The following NSMCE2 variants were observed in gnomAD, a reference collection of about 807,000 sequenced individuals.
NSMCE2 encodes E3 SUMO-protein ligase NSE2.
NSMCE2 carries 24 observed loss-of-function variants against 23.8 expected under a neutral mutation model. The ratio of observed to expected loss-of-function variants is 1.01; its 90% confidence interval spans 0.73 to 1.42. NSMCE2 has a LOEUF of 1.42. NSMCE2 is among the 40% of genes most tolerant of loss of function. NSMCE2 has a pLI of 0.00. For synonymous variants in NSMCE2, 92 were observed against 94.1 expected, an observed-to-expected ratio of 0.98 and a Z score of 0.13; for missense variants, 284 against 296.5, an observed-to-expected ratio of 0.96 and a Z score of 0.31.
At chr8:125,337,806 A>G (rs1249010341) in intron 5 of NSMCE2, among the ~76,000 whole-genome samples, 1 of 149,916 alleles carries the variant, frequency 6.7e-6, no homozygotes, top group African/African-American at 2.4e-5. Context: ...GAGGCAGGAG[A>G]ATTGCTTGAA....
At chr8:125,251,616 G>A (rs1348913681) in intron 5 of NSMCE2, among the ~76,000 whole-genome samples, 1 of 152,106 alleles carries the variant, frequency 6.6e-6, no homozygotes, top group Non-Finnish European at 1.5e-5. Context: ...ATATTCCTGG[G>A]CAGAAGATCT....
intron 4 of NSMCE2, among the ~76,000 whole-genome samples, chr8:125,159,288 C>T (rs1821479026): frequency 6.6e-6 from 1 of 152,144 alleles, no homozygotes; most frequent in African/African-American, 2.4e-5. Context: ...CATAGTCATA[C>T]AGTCATGAAC....
At chr8:125,120,076 A>C (rs1819195448) in intron 3 of NSMCE2, among the ~76,000 whole-genome samples, 1 of 152,212 alleles carries the variant, frequency 6.6e-6, no homozygotes, top group Non-Finnish European at 1.5e-5. Context: ...ACATATAATC[A>C]ATATGAAAGT....
At chr8:125,353,362 G>A (rs575050533) in intron 5 of NSMCE2, among the ~76,000 whole-genome samples, 5 of 152,282 alleles carry the variant, frequency 3.3e-5, no homozygotes, top group African/African-American at 9.6e-5. Flanking sequence ...AGGGAAAGAC[G>A]GCTCCTAGCC....
intron 5 of NSMCE2, among the ~76,000 whole-genome samples, chr8:125,251,389 A>G (rs544190199): frequency 6.6e-6 from 1 of 152,366 alleles, no homozygotes; most frequent in East Asian, 1.9e-4. Flanking sequence ...GGAAAATTAT[A>G]TCACGGGTCT....
chr8:125,308,882 C>T (rs945790568), intron 5 of NSMCE2, among the ~76,000 whole-genome samples: 3 of 152,164 alleles, frequency 2.0e-5, no homozygotes, highest in Non-Finnish European at 4.4e-5. Flanking sequence ...TTTCCTTACC[C>T]CCTGCCAGCC....
chr8:125,227,862 T>C (rs933467022), intron 5 of NSMCE2, among the ~76,000 whole-genome samples: 1 of 152,152 alleles, frequency 6.6e-6, no homozygotes, highest in African/African-American at 2.4e-5. Flanking sequence ...CTGAGATCAG[T>C]TTAGTGTCAT....
intron 5 of NSMCE2, among the ~76,000 whole-genome samples, chr8:125,330,958 A>G (rs1829851320): frequency 6.6e-6 from 1 of 152,056 alleles, no homozygotes; most frequent in Admixed American, 6.6e-5. Flanking sequence ...TTGTGTTACC[A>G]CCTCTTTCAC....
At chr8:125,208,999 A>G (rs949559563) in intron 5 of NSMCE2, among the ~76,000 whole-genome samples, 1 of 152,156 alleles carries the variant, frequency 6.6e-6, no homozygotes, top group Non-Finnish European at 1.5e-5. Flanking sequence ...TTTTTTAGAG[A>G]TGGGGTCTTG....
At chr8:125,351,746 C>A (rs1813044060) in intron 5 of NSMCE2, among the ~76,000 whole-genome samples, 1 of 152,100 alleles carries the variant, frequency 6.6e-6, no homozygotes, top group African/African-American at 2.4e-5. Context: ...CATGGTGGCT[C>A]ACACCTGTAA....
chr8:125,287,249 T>A (rs1245753681), intron 5 of NSMCE2, among the ~76,000 whole-genome samples: 2 of 152,180 alleles, frequency 1.3e-5, no homozygotes, highest in East Asian at 3.9e-4. Context: ...GGAGGATCAC[T>A]TGAACCTGTT....
chr8:125,210,800 A>G (rs549732373), intron 5 of NSMCE2, among the ~76,000 whole-genome samples: 2 of 152,212 alleles, frequency 1.3e-5, no homozygotes, highest in East Asian at 1.9e-4. Context: ...TGCTCACTGC[A>G]ACCTCCACCT....
intron 7 of NSMCE2, among the ~76,000 whole-genome samples, chr8:125,362,072 G>A (rs1018803484): frequency 2.0e-5 from 3 of 152,184 alleles, no homozygotes; most frequent in Non-Finnish European, 4.4e-5. Context: ...TGCTCTGCCC[G>A]GGTAGTGCCT....
At chr8:125,300,618 A>G (rs1828521944) in intron 5 of NSMCE2, among the ~76,000 whole-genome samples, 1 of 152,220 alleles carries the variant, frequency 6.6e-6, no homozygotes, top group Non-Finnish European at 1.5e-5. Flanking sequence ...GGGTACAAAG[A>G]TGCGAAGAAC....
At chr8:125,287,440 A>G (rs1329617384) in intron 5 of NSMCE2, among the ~76,000 whole-genome samples, 4 of 152,208 alleles carry the variant, frequency 2.6e-5, no homozygotes, top group African/African-American at 9.6e-5. Context: ...TCCTTTCCAC[A>G]GATGCCTATC....
At chr8:125,102,179 T>C (rs1055480146) in intron 2 of NSMCE2, 33 bp downstream of exon 2, 1 of 635,454 alleles carries the variant, frequency 1.6e-6, no homozygotes, top group Admixed American at 2.8e-5. Flanking sequence ...GTCTTCTCTA[T>C]AGGATATACA....
intron 5 of NSMCE2, among the ~76,000 whole-genome samples, chr8:125,316,600 C>A (rs1202145517): frequency 2.8e-5 from 4 of 144,744 alleles, no homozygotes; most frequent in African/African-American, 9.9e-5. Flanking sequence ...TTCTTTCTTT[C>A]CTTCTTTCCT....
At chr8:125,244,348 G>T (rs868016041) in intron 5 of NSMCE2, among the ~76,000 whole-genome samples, 1 of 152,190 alleles carries the variant, frequency 6.6e-6, no homozygotes. Context: ...TTAAAGAGAG[G>T]AGGGGAAAAA....
chr8:125,281,206 A>G (rs1365301986), intron 5 of NSMCE2, among the ~76,000 whole-genome samples: 1 of 152,370 alleles, frequency 6.6e-6, no homozygotes, highest in South Asian at 2.1e-4. Flanking sequence ...TGCAAACAAC[A>G]GCATGGGTTA....
Sources: allele counts gnomAD v4.1 joint callset (sites outside exome capture counted in the v4.1 genomes callset), GRCh38; gene constraint gnomAD v4.1.1; transcripts MANE v1.5; gene names NCBI Gene and HGNC (gene_info 2026-07-23, HGNC 2026-07-21).